EPM2A: variants seen among roughly 807,000 people sequenced by gnomAD.
The protein encoded by EPM2A is EPM2A glucan phosphatase, laforin, also known as laforin.
EPM2A carries 21 observed loss-of-function variants against 26.5 expected under a neutral mutation model. The observed-to-expected ratio is 0.79, with a 90% CI of 0.56 to 1.14. EPM2A has a LOEUF of 1.14. Ranked by LOEUF, EPM2A falls within the 50% of genes most tolerant of loss-of-function variation. The pLI is 0.00. For synonymous variants in EPM2A, 217 were observed against 177.6 expected (o/e 1.22, Z -1.76); for missense variants, 458 against 440.8 (o/e 1.04, Z -0.35).
chr6:145,696,281 A>G (rs1381373473), intron 1 of EPM2A, among the ~76,000 whole-genome samples: 1 of 152,142 alleles, frequency 6.6e-6, no homozygotes, highest in Non-Finnish European at 1.5e-5. Context: ...AGGCAATTCT[A>G]AGAAGGAAGT....
At chr6:145,501,116 C>T (rs1582802785), downstream of EPM2A, among the ~76,000 whole-genome samples, 1 of 152,272 alleles carries the variant, frequency 6.6e-6, no homozygotes, top group Non-Finnish European at 1.5e-5. Context: ...GAGGAGAGGA[C>T]TTTTACATTT....
chr6:145,522,111 C>T (rs552588352), intron 2 of EPM2A, among the ~76,000 whole-genome samples: 4 of 152,108 alleles, frequency 2.6e-5, no homozygotes, highest in Non-Finnish European at 4.4e-5. Context: ...CATCACCACG[C>T]CCAGCCATTT....
At chr6:145,506,311 T>C (rs1373724534) in intron 2 of EPM2A, among the ~76,000 whole-genome samples, 2 of 152,248 alleles carry the variant, frequency 1.3e-5, no homozygotes, top group African/African-American at 4.8e-5. Flanking sequence ...GAATTTGCAA[T>C]AATTATTCAA....
chr6:145,735,285 C>A lies in EPM2A; in HGVS notation c.214G>T (p.Ala72Ser). Reference protein sequence around the residue: ...GEVELAAEEAAQDGAEPGRVD... With the variant: ...GEVELAAEEASQDGAEPGRVD... ...CGGCCCGGCTCCGCCCCGTCCTGCG[C>A]CGCCTCCTCGGCCGCCAGCTCCACC... Residue 72 changes from alanine (A) to serine (S), a missense_variant, in exon 1 of 4, where the codon GCG becomes TCG. Physicochemically the swap from Ala to Ser is moderately conservative, Grantham distance 99. Transcript: ENST00000367519. The A allele has an allele frequency of 6.7e-7, 1 of 1,493,578 alleles. No homozygotes were observed. The highest frequency in any genetic ancestry group is 2.9e-5 in the East Asian group (1 of 35,046). The allele number at this position is 1,493,578 out of a possible 1,614,324, so 92.5% of individuals were successfully genotyped here.
chr6:145,392,115 C>T (rs1778344767), intron 4 of EPM2A, among the ~76,000 whole-genome samples: 1 of 152,128 alleles, frequency 6.6e-6, no homozygotes, highest in Non-Finnish European at 1.5e-5. Flanking sequence ...CTAAAGCTAA[C>T]CAGGAGGATT....
At chr6:145,410,304 A>G (rs956196108) in intron 4 of EPM2A, among the ~76,000 whole-genome samples, 5 of 152,178 alleles carry the variant, frequency 3.3e-5, no homozygotes, top group African/African-American at 9.7e-5. Flanking sequence ...GGAAAATGTA[A>G]CAAAGAAAGA....
intron 2 of EPM2A, among the ~76,000 whole-genome samples, chr6:145,525,416 T>C (rs981007851): frequency 6.6e-6 from 1 of 152,084 alleles, no homozygotes; most frequent in Non-Finnish European, 1.5e-5. Flanking sequence ...TTAATGATAT[T>C]GGTTCTTCCA....
intron 4 of EPM2A, among the ~76,000 whole-genome samples, chr6:145,422,954 A>T (rs891262767): frequency 1.3e-5 from 2 of 152,136 alleles, no homozygotes; most frequent in Non-Finnish European, 2.9e-5. Flanking sequence ...TATGTTTTAT[A>T]TGAATATATA....
intron 2 of EPM2A, among the ~76,000 whole-genome samples, chr6:145,620,290 A>G (rs541982035): frequency 6.6e-6 from 1 of 152,262 alleles, no homozygotes; most frequent in South Asian, 2.1e-4. Flanking sequence ...TGTGCAGTTC[A>G]CAATACAGTT....
intron 4 of EPM2A, among the ~76,000 whole-genome samples, chr6:145,412,313 T>C (rs1348796061): frequency 1.3e-5 from 2 of 151,858 alleles, no homozygotes; most frequent in Non-Finnish European, 2.9e-5. Context: ...AATAACTACA[T>C]AGTTGAATAT....
At chr6:145,400,045 G>C (rs1287978094) in intron 4 of EPM2A, among the ~76,000 whole-genome samples, 1 of 152,120 alleles carries the variant, frequency 6.6e-6, no homozygotes, top group Non-Finnish European at 1.5e-5. Context: ...GGGTTGATGA[G>C]TGCCTGCCCA....
chr6:145,683,363 TTTA>T (rs1214057247), intron 2 of EPM2A, among the ~76,000 whole-genome samples: 1 of 148,122 alleles, frequency 6.8e-6, no homozygotes, highest in African/African-American at 2.5e-5. Flanking sequence ...ACATATATTA[TTTA>T]TTATTTTAAT....
At chr6:145,497,824 T>G (rs1388066629), downstream of EPM2A, among the ~76,000 whole-genome samples, 4 of 152,246 alleles carry the variant, frequency 2.6e-5, no homozygotes, top group Non-Finnish European at 5.9e-5. Context: ...CTGTCCACAC[T>G]TTTGTAGAGC....
intron 2 of EPM2A, among the ~76,000 whole-genome samples, chr6:145,645,072 T>G (rs983040708): frequency 1.3e-5 from 2 of 152,192 alleles, no homozygotes; most frequent in Non-Finnish European, 2.9e-5. Flanking sequence ...ATGAGTGCAT[T>G]TGGTTACACA....
chr6:145,451,924 G>C (rs1307505792), intron 4 of EPM2A, among the ~76,000 whole-genome samples: 4 of 152,168 alleles, frequency 2.6e-5, no homozygotes, highest in African/African-American at 9.7e-5. Flanking sequence ...GACCAAAAGC[G>C]TTGGGAGCTT....
rs563228397 is a variant in EPM2A, at chr6:145,555,232, T to C, written c.341-52657A>G. Among the ~76,000 whole-genome samples the C allele has an allele frequency of 7.9e-5, 12 of 152,146 alleles. No homozygotes were observed. In the East Asian group the frequency reaches 1.7e-3, roughly 22 times the overall value. ...GCTAGCAATCATCATGTTAGCATCA[T>C]TGGTGTTAGTTCATCCTCTGCTCCT... On this transcript the variant is annotated intron_variant, in intron 2 of 3. Transcript: ENST00000450221.
chr6:145,587,470 AG>A (rs1368857964), intron 2 of EPM2A, among the ~76,000 whole-genome samples: 1 of 152,198 alleles, frequency 6.6e-6, no homozygotes, highest in African/African-American at 2.4e-5. Flanking sequence ...CAAAATATTG[AG>A]AAACAAGTTG....
chr6:145,643,080 A>G (rs1463814662), intron 2 of EPM2A, among the ~76,000 whole-genome samples: 2 of 152,216 alleles, frequency 1.3e-5, no homozygotes, highest in African/African-American at 4.8e-5. Context: ...AGAGAAGTGG[A>G]TAAGTTCAAG....
chr6:145,588,491 C>A (rs376014477), intron 2 of EPM2A, among the ~76,000 whole-genome samples: 40 of 152,060 alleles, frequency 2.6e-4, no homozygotes, highest in African/African-American at 8.4e-4. Context: ...AAAATTAATT[C>A]AAAGGTAATT....
Sources: allele counts gnomAD v4.1 joint callset (sites outside exome capture counted in the v4.1 genomes callset), GRCh38; gene constraint gnomAD v4.1.1; transcripts MANE v1.5; gene names NCBI Gene and HGNC (gene_info 2026-07-23, HGNC 2026-07-21).